The following MACF1 variants were observed in gnomAD, a reference collection of about 807,000 sequenced individuals.
The protein encoded by MACF1 is microtubule actin crosslinking factor 1, also known as microtubule-actin cross-linking factor 1.
MACF1 carries 193 observed loss-of-function variants against 854.8 expected under a neutral mutation model. That is an observed-to-expected ratio of 0.23 (90% CI 0.20 to 0.25). MACF1 has a LOEUF of 0.25. MACF1 is among the 10% of genes least tolerant of loss of function. The pLI is 1.00. For missense variants in MACF1, 7,722 were observed against 8,929.1 expected (o/e 0.86, Z 5.45); for synonymous variants, 3,185 against 3,226.7 (o/e 0.99, Z 0.44).
Position 39,269,005 on chromosome 1 carries a change from G to T in MACF1, c.528+10977G>T, listed in dbSNP as rs759771428. The T allele has an allele frequency of 1.2e-5, 16 of 1,288,068 alleles. No individual in the cohort carries two copies. The South Asian group carries it at 2.0e-4, about 16-fold the overall frequency. 79.8% of individuals were successfully genotyped at this position (1,288,068 alleles called of 1,614,324 possible). A position where few individuals can be genotyped will look rare whatever the true frequency, so the allele number is the denominator to read the frequency against. On this transcript the variant is annotated intron_variant, in intron 6 of 100. Transcript: ENST00000564288. ...CCCAACTCACGGGTAGTCGATCGGG[G>T]GATGATAGTACAGGTAAAGGAGAGA...
intron 2 of MACF1, among the ~76,000 whole-genome samples, chr1:39,199,484 A>T (rs1644363459): frequency 6.6e-6 from 1 of 151,884 alleles, no homozygotes. Flanking sequence ...GTCTCTACAG[A>T]AAAAAAGACA....
chr1:39,096,582 C>CGA (rs1478391004), intron 2 of MACF1, among the ~76,000 whole-genome samples: 2 of 88,572 alleles, frequency 2.3e-5, no homozygotes, highest in East Asian at 1.1e-3. Context: ...GAGCAAGACT[C>CGA]TATCTCAAAA....
intron 94 of MACF1, 103 bp downstream of exon 94, chr1:39,463,789 G>A: frequency 1.0e-6 from 1 of 998,556 alleles, no homozygotes; most frequent in Non-Finnish European, 1.6e-6. Flanking sequence ...CATCGGACTT[G>A]AGATGTGGTC....
chr1:39,264,370 T>C (rs1164233124), intron 6 of MACF1, among the ~76,000 whole-genome samples: 1 of 152,198 alleles, frequency 6.6e-6, no homozygotes, highest in Admixed American at 6.5e-5. Flanking sequence ...TTTGACATAT[T>C]ACATGTTTAC....
chr1:39,157,517 A>G (rs1446844956), intron 2 of MACF1, among the ~76,000 whole-genome samples: 1 of 152,200 alleles, frequency 6.6e-6, no homozygotes, highest in Non-Finnish European at 1.5e-5. Flanking sequence ...TGGTGGGTGT[A>G]TCTCCCATAT....
chr1:39,334,411 C>G lies in MACF1; in HGVS notation c.7823C>G (p.Ala2608Gly), dbSNP rs1271875127. The part of the protein sequence containing the change: ...AKKEGLLTNE[A>G]VLSPGMMHGI... ...AAAGAAGGACTGTTAACTAATGAAG[C>G]AGTATTGTCTCCAGGAATGATGCAT... Residue 2608 changes from alanine (A) to glycine (G), a missense_variant, in exon 37 of 101, where the codon GCA becomes GGA. Around this residue, in one of 15 missense-constraint regions of MACF1, gnomAD observed 1,531 missense variants for 1,601.6 expected, o/e 0.96. Transcript: ENST00000564288. 6.2e-6 allele frequency: 10 copies of G among 1,613,948 alleles called. No homozygotes were observed. The highest frequency in any genetic ancestry group is 5.1e-6 in the Non-Finnish European group (6 of 1,179,906).
intron 6 of MACF1, among the ~76,000 whole-genome samples, chr1:39,279,298 C>T (rs746076572): frequency 1.1e-4 from 17 of 152,160 alleles, no homozygotes; most frequent in Non-Finnish European, 2.1e-4. Flanking sequence ...GCAAGCTTCC[C>T]ATACTCTTCT....
intron 6 of MACF1, among the ~76,000 whole-genome samples, chr1:39,259,072 A>G (rs1483422631): frequency 6.6e-6 from 1 of 152,218 alleles, no homozygotes; most frequent in Non-Finnish European, 1.5e-5. Flanking sequence ...TCTGTCTGGC[A>G]GGATGGGAAA....
chr1:39,374,631 A>G (rs1649552455), intron 52 of MACF1, among the ~76,000 whole-genome samples: 1 of 152,222 alleles, frequency 6.6e-6, no homozygotes, highest in Non-Finnish European at 1.5e-5. Context: ...ACAGCCAAAG[A>G]CAATACATTA....
In MACF1 at chr1:39,357,811, G is replaced by A. The variant is rs1222251366; in HGVS notation, c.11861G>A (p.Gly3954Asp). Residue 3954 changes from glycine to aspartate, a missense_variant, in exon 45 of 101, where the codon GGC (glycine) becomes GAC (aspartate). Around this residue, in one of 15 missense-constraint regions of MACF1, gnomAD observed 2,807 missense variants for 3,235.8 expected, o/e 0.87. Transcript: ENST00000564288. ...VLDMENSFKE[G>D]KEPSEIGNLV... The stretch of plus-strand genomic sequence containing the variant: ...GACATGGAAAACAGTTTTAAGGAAG[G>A]CAAAGAACCATCAGAAATTGGAAAC... The A allele has an allele frequency of 1.9e-6, 3 of 1,614,108 alleles. No homozygotes were observed. Among genetic ancestry groups the A allele is most frequent in the Non-Finnish European group, 1.7e-6 (2 of 1,180,006 alleles).
chr1:39,153,302 C>T (rs77210652), intron 2 of MACF1, among the ~76,000 whole-genome samples: 2,488 of 152,214 alleles, frequency 0.016, 75 homozygotes, highest in African/African-American at 0.057. Flanking sequence ...GAACCTTAGT[C>T]TCAGGTGGGG....
intron 6 of MACF1, among the ~76,000 whole-genome samples, chr1:39,267,519 C>A (rs1201803318): frequency 6.6e-6 from 1 of 152,210 alleles, no homozygotes; most frequent in Non-Finnish European, 1.5e-5. Flanking sequence ...TAGGCGTGAG[C>A]CACTGCGCCT....
At chr1:39,264,038 A>G (rs937575366) in intron 6 of MACF1, among the ~76,000 whole-genome samples, 13 of 151,848 alleles carry the variant, frequency 8.6e-5, no homozygotes, top group East Asian at 3.9e-4. Flanking sequence ...CTCCCAAAGT[A>G]CTGGGATTAC....
At chr1:39,094,405 A>G (rs1021452008) in intron 2 of MACF1, among the ~76,000 whole-genome samples, 5 of 139,406 alleles carry the variant, frequency 3.6e-5, no homozygotes, top group African/African-American at 1.5e-4. Flanking sequence ...TTTGTCTCCA[A>G]AAAAAAAAAA....
chr1:39,472,013 C>G (rs1220210396), intron 97 of MACF1, among the ~76,000 whole-genome samples: 5 of 152,140 alleles, frequency 3.3e-5, no homozygotes, highest in Admixed American at 2.0e-4. Flanking sequence ...CCGCATCAGC[C>G]AGTTTCAGGT....
At chr1:39,358,436 T>C (rs994546301) in intron 45 of MACF1, among the ~76,000 whole-genome samples, 1 of 152,226 alleles carries the variant, frequency 6.6e-6, no homozygotes, top group Non-Finnish European at 1.5e-5. Context: ...TGCAACCTTA[T>C]GTTCATTTCT....
At chr1:39,413,912 C>T (rs1255083362) in intron 58 of MACF1, 3 of 1,607,558 alleles carry the variant, frequency 1.9e-6, no homozygotes, top group Admixed American at 3.4e-5. Flanking sequence ...GAGGAATTCA[C>T]TTCCCCGGCA....
At position 39,335,344 on chromosome 1, in the gene MACF1, T is replaced by G. The variant is rs545761979; in HGVS notation, c.8756T>G (p.Ile2919Ser). ...GAAAAAGCAGTGACAAAAATAGAAATTATTTCTCATATGAAGCAGTCTACC... is the reference window on the plus strand; with the variant it reads ...GAAAAAGCAGTGACAAAAATAGAAAGTATTTCTCATATGAAGCAGTCTACC... ...EQEKAVTKIEIISHMKQSTSC... is the reference protein window; with the variant it reads ...EQEKAVTKIESISHMKQSTSC... Residue 2919 changes from isoleucine to serine, a missense_variant, in exon 37 of 101, where the codon ATT (isoleucine) becomes AGT (serine). Around this residue, in one of 15 missense-constraint regions of MACF1, gnomAD observed 854 missense variants for 852.6 expected, o/e 1.00. Transcript: ENST00000564288. The G allele has an allele frequency of 6.2e-7, 1 of 1,613,762 alleles. No homozygotes were observed. The highest frequency in any genetic ancestry group is 1.7e-5 in the Admixed American group (1 of 59,988).
chr1:39,288,496 T>TAA (rs150854643), intron 15 of MACF1, among the ~76,000 whole-genome samples: 14 of 125,572 alleles, frequency 1.1e-4, no homozygotes, highest in East Asian at 2.3e-4. Context: ...AGACTCCATC[T>TAA]AAAAAAAAAA....
Sources: gnomAD v4.1 joint callset for allele counts (sites outside exome capture counted in the v4.1 genomes callset) on GRCh38, gnomAD v4.1.1 for gene constraint, gnomAD v4.1.1 regional missense constraint, MANE v1.5 for transcripts, NCBI Gene and HGNC (gene_info 2026-07-23, HGNC 2026-07-21) for gene names.